Variants in TTLL5 observed in about 807,000 individuals in gnomAD.
TTLL5 encodes the protein tubulin polyglutamylase TTLL5.
Under a neutral mutation model 168.4 loss-of-function variants are expected in TTLL5, and 132 were observed. That is an observed-to-expected ratio of 0.78 (90% confidence interval 0.68 to 0.91). TTLL5 has a LOEUF of 0.91. Ranked by LOEUF, TTLL5 falls within the 40% of genes least tolerant of loss-of-function variation. The pLI, the probability that TTLL5 is intolerant of heterozygous loss-of-function variation, is 0.00. For missense variants in TTLL5, 1,545 were observed against 1,581.5 expected (o/e 0.98, Z 0.39); for synonymous variants, 546 against 558.6 (o/e 0.98, Z 0.32).
intron 6 of TTLL5, among the ~76,000 whole-genome samples, chr14:75,696,347 T>TAGC (rs1184784843): frequency 6.6e-6 from 1 of 152,216 alleles, no homozygotes; most frequent in African/African-American, 2.4e-5. Flanking sequence ...GCCCCACACC[T>TAGC]AGCAAACTGA....
At chr14:75,737,697 ATTTT>A in intron 15 of TTLL5, 3 of 1,319,670 alleles carry the variant, frequency 2.3e-6, no homozygotes, top group South Asian at 2.7e-5. Context: ...CATGGTACAT[ATTTT>A]TATGTACCTA....
intron 8 of TTLL5, among the ~76,000 whole-genome samples, chr14:75,707,407 GT>G (rs1325184575): frequency 6.6e-6 from 1 of 151,800 alleles, no homozygotes; most frequent in African/African-American, 2.4e-5. Context: ...ACATTATACG[GT>G]TTTTATTATG....
intron 28 of TTLL5, among the ~76,000 whole-genome samples, chr14:75,841,069 G>A (rs1248691424): frequency 6.6e-6 from 1 of 152,156 alleles, no homozygotes; most frequent in African/African-American, 2.4e-5. Flanking sequence ...TGAACGAACT[G>A]AGCAAGCGCT....
At chr14:75,800,577 G>T (rs935829408) in intron 27 of TTLL5, among the ~76,000 whole-genome samples, 1 of 152,024 alleles carries the variant, frequency 6.6e-6, no homozygotes, top group African/African-American at 2.4e-5. Context: ...TTGTTTTTCC[G>T]GTTCCTTCTC....
chr14:75,850,046 C>G (rs1268279840), intron 28 of TTLL5, among the ~76,000 whole-genome samples: 2 of 151,584 alleles, frequency 1.3e-5, no homozygotes, highest in African/African-American at 4.9e-5. Flanking sequence ...GCGGAGGTTG[C>G]AGTAAACCGA....
At chr14:75,685,365 G>A in intron 5 of TTLL5, among the ~76,000 whole-genome samples, 1 of 136,378 alleles carries the variant, frequency 7.3e-6, no homozygotes, top group Admixed American at 7.9e-5. Flanking sequence ...AACACAGAGA[G>A]ACTCTGTCTC....
intron 31 of TTLL5, among the ~76,000 whole-genome samples, chr14:75,949,466 T>C (rs2034886521): frequency 7.4e-6 from 1 of 134,378 alleles, no homozygotes. Context: ...TATATATATA[T>C]AACCTTATAT....
intron 7 of TTLL5, among the ~76,000 whole-genome samples, chr14:75,700,230 TC>T (rs1383432303): frequency 6.6e-6 from 1 of 152,148 alleles, no homozygotes; most frequent in East Asian, 1.9e-4. Context: ...CAGGTGATCA[TC>T]AGGTGATGGT....
Position 75,783,237 on chromosome 14 carries a change from C to A in TTLL5, c.2693C>A (p.Thr898Asn). 1 of 1,614,202 alleles carries A rather than the reference C, an allele frequency of 6.2e-7. No homozygotes were observed. The change falls in exon 26 of 32, where the codon ACC (threonine) becomes AAC (asparagine). Residue 898 changes from threonine to asparagine, a missense_variant. Transcript: ENST00000298832. The stretch of plus-strand genomic sequence containing the variant: ...GCTACTCTGCAGAAAATTCCCAACA[C>A]CCATTTGTCATCTGTTACAACCTCT... ...PTATLQKIPNTHLSSVTTSDL... is the reference protein window; with the variant it reads ...PTATLQKIPNNHLSSVTTSDL...
At chr14:75,691,590 G>A (rs182739734) in intron 6 of TTLL5, among the ~76,000 whole-genome samples, 15 of 152,246 alleles carry the variant, frequency 9.9e-5, no homozygotes, top group African/African-American at 2.4e-4. Flanking sequence ...CATGCTCTTC[G>A]TCTCTGTGCT....
chr14:75,914,033 A>AAAAAAAAAAAAAAAAAAATATAT, intron 31 of TTLL5, among the ~76,000 whole-genome samples: 3 of 71,118 alleles, frequency 4.2e-5, no homozygotes, highest in Non-Finnish European at 6.2e-5. Flanking sequence ...AAAAAAAAAA[A>AAAAAAAAAAAAAAAAAAATATAT]ATATATATAT....
intron 9 of TTLL5, among the ~76,000 whole-genome samples, chr14:75,714,009 A>G (rs1400852289): frequency 6.6e-6 from 1 of 151,828 alleles, no homozygotes; most frequent in African/African-American, 2.4e-5. Flanking sequence ...TGTTGTATTT[A>G]GCCGTCGGGT....
intron 12 of TTLL5, among the ~76,000 whole-genome samples, chr14:75,731,494 C>G (rs889952034): frequency 1.3e-5 from 2 of 151,902 alleles, no homozygotes; most frequent in Admixed American, 6.6e-5. Flanking sequence ...AAGTTAACCT[C>G]TCATCCCTGA....
At chr14:75,772,223 G>A (rs919066270) in intron 21 of TTLL5, among the ~76,000 whole-genome samples, 1 of 152,232 alleles carries the variant, frequency 6.6e-6, no homozygotes, top group South Asian at 2.1e-4. Flanking sequence ...TTAACTCTGA[G>A]GTAGGCATTA....
At chr14:75,755,241 G>C (rs141043421) in intron 18 of TTLL5, among the ~76,000 whole-genome samples, 2,005 of 150,256 alleles carry the variant, frequency 0.013, 29 homozygotes, top group Non-Finnish European at 0.022. Context: ...TTCCAGCCTG[G>C]GCAACCAGAG....
In TTLL5 at chr14:75,914,052, A is replaced by ATATATATATATATATATATATT. The variant is rs1304496430; in HGVS notation, c.3823+11831_3823+11832insATATATATATATATATATTTAT. Among the ~76,000 whole-genome samples, 26 of 122,354 alleles carry ATATATATATATATATATATATT rather than the reference A, an allele frequency of 2.1e-4. No individual in the cohort carries two copies. In the East Asian group the frequency reaches 4.5e-3, roughly 21 times the overall value. The allele number at this position is 122,354 out of a possible 152,430, so 80.3% of individuals were successfully genotyped here. A position where few individuals can be genotyped will look rare whatever the true frequency, so the allele number is the denominator to read the frequency against. ...AAAAAAAATATATATATATATATAT[A>ATATATATATATATATATATATT]TATTTTATCCCCTAAGGGCCCAGTT... On this transcript the variant is annotated intron_variant, in intron 31 of 31. Transcript: ENST00000298832.
intron 15 of TTLL5, among the ~76,000 whole-genome samples, chr14:75,738,689 A>G (rs1264148561): frequency 6.6e-6 from 1 of 152,240 alleles, no homozygotes; most frequent in Non-Finnish European, 1.5e-5. Context: ...AAGAGCTTAT[A>G]TTCTAAATAT....
chr14:75,934,630 T>C (rs1454051042), intron 31 of TTLL5, among the ~76,000 whole-genome samples: 2 of 151,080 alleles, frequency 1.3e-5, no homozygotes, highest in Non-Finnish European at 2.9e-5. Flanking sequence ...CAAGAGGAGG[T>C]GGGGGGAAGG....
chr14:75,935,284 A>G (rs773982810), intron 31 of TTLL5, among the ~76,000 whole-genome samples: 12 of 152,240 alleles, frequency 7.9e-5, no homozygotes, highest in Non-Finnish European at 1.5e-4. Context: ...TTCTTGAGTG[A>G]TGCTAATATG....
Sources: gnomAD v4.1 joint callset for allele counts (sites outside exome capture counted in the v4.1 genomes callset) on GRCh38, gnomAD v4.1.1 for gene constraint, MANE v1.5 for transcripts, NCBI Gene and HGNC (gene_info 2026-07-23, HGNC 2026-07-21) for gene names.